Variants in ZCCHC17 observed in about 807,000 individuals in gnomAD.
ZCCHC17 encodes zinc finger CCHC domain-containing protein 17.
Under a neutral mutation model 30.6 loss-of-function variants are expected in ZCCHC17, and 18 were observed. The observed-to-expected ratio is 0.59, with a 90% CI of 0.41 to 0.87. ZCCHC17 has a LOEUF of 0.87. ZCCHC17 is among the 40% of genes least tolerant of loss of function. The pLI, the probability that ZCCHC17 is intolerant of heterozygous loss-of-function variation, is 0.00. For missense variants in ZCCHC17, 263 were observed against 284.2 expected, an observed-to-expected ratio of 0.93 and a Z score of 0.54; for synonymous variants, 88 against 92.4, an observed-to-expected ratio of 0.95 and a Z score of 0.27.
intron 3 of ZCCHC17, among the ~76,000 whole-genome samples, chr1:31,328,454 G>T (rs1638444980): frequency 4.6e-5 from 7 of 152,018 alleles, no homozygotes; most frequent in Admixed American, 3.9e-4. Context: ...GTTGCAGTGA[G>T]CCGAGATCAT....
rs556905471 is a variant in ZCCHC17 at position 31,317,913 on chromosome 1, T to C, written c.67-1196T>C. 2.6e-4 allele frequency among the ~76,000 whole-genome samples: 39 copies of C among 152,344 alleles called. 2 individuals are homozygous for C. In the South Asian group the frequency reaches 7.5e-3, roughly 29 times the overall value. On this transcript the variant is annotated intron_variant, in intron 2 of 7. Transcript: ENST00000344147. ...TAGTTAGAGGGGACCTATGAGCAGC[T>C]CTAGTGTAATTAAGACTCCGGATTC... is the stretch of plus-strand genomic sequence containing the variant.
intron 1 of ZCCHC17, among the ~76,000 whole-genome samples, chr1:31,303,815 A>G (rs920203326): frequency 6.6e-6 from 1 of 152,234 alleles, no homozygotes; most frequent in African/African-American, 2.4e-5. Context: ...AATTACCAAC[A>G]TTATGAAATT....
chr1:31,344,693 G>T (rs1330911810), intron 5 of ZCCHC17, among the ~76,000 whole-genome samples: 6 of 152,150 alleles, frequency 3.9e-5, no homozygotes, highest in African/African-American at 1.4e-4. Flanking sequence ...TTTGTAGTCT[G>T]GTAGAAGCCA....
intron 3 of ZCCHC17, 102 bp from the exon 4 acceptor site, chr1:31,337,073 A>C: frequency 9.0e-7 from 1 of 1,113,298 alleles, no homozygotes; most frequent in African/African-American, 1.6e-5. Context: ...AAAAATTTTC[A>C]TTTTTCCCTT....
At chr1:31,344,226 A>G (rs947793749) in intron 5 of ZCCHC17, among the ~76,000 whole-genome samples, 10 of 152,044 alleles carry the variant, frequency 6.6e-5, no homozygotes, top group Admixed American at 4.6e-4. Context: ...CCTGGTCTCA[A>G]GTGATACTCC....
chr1:31,322,552 C>T (rs898439995), intron 3 of ZCCHC17, among the ~76,000 whole-genome samples: 3 of 152,168 alleles, frequency 2.0e-5, no homozygotes, highest in Non-Finnish European at 2.9e-5. Context: ...TGGGGTGTGT[C>T]ACCCTCTTGG....
chr1:31,351,641 G>C (rs1197972695), intron 7 of ZCCHC17, among the ~76,000 whole-genome samples: 1 of 152,118 alleles, frequency 6.6e-6, no homozygotes, highest in Non-Finnish European at 1.5e-5. Context: ...TACTCAGGAG[G>C]CTGAGGTGGG....
At chr1:31,322,352 G>C (rs1646880818) in intron 3 of ZCCHC17, among the ~76,000 whole-genome samples, 1 of 152,148 alleles carries the variant, frequency 6.6e-6, no homozygotes. Flanking sequence ...GTCTCACTTG[G>C]CTACAATTTT....
intron 2 of ZCCHC17, among the ~76,000 whole-genome samples, chr1:31,317,446 A>G (rs1467490354): frequency 6.6e-6 from 1 of 152,198 alleles, no homozygotes; most frequent in Non-Finnish European, 1.5e-5. Flanking sequence ...TGTGCTACAT[A>G]CCTATGTCAG....
intron 7 of ZCCHC17, among the ~76,000 whole-genome samples, chr1:31,356,850 G>A (rs1206987731): frequency 6.6e-6 from 1 of 152,140 alleles, no homozygotes; most frequent in Non-Finnish European, 1.5e-5. Flanking sequence ...TTTTTGTTGG[G>A]CATAATTAGA....
intron 3 of ZCCHC17, among the ~76,000 whole-genome samples, chr1:31,324,944 C>T (rs557525401): frequency 3.9e-5 from 6 of 152,228 alleles, no homozygotes; most frequent in South Asian, 2.1e-4. Flanking sequence ...GTCTGTGGCC[C>T]AGAGTGAGAA....
At chr1:31,318,347 G>T in intron 2 of ZCCHC17, 2 of 848,168 alleles carry the variant, frequency 2.4e-6, no homozygotes, top group South Asian at 3.5e-5. Flanking sequence ...TAGGCTACAG[G>T]GGGAAGAGAG....
In ZCCHC17 at chr1:31,315,575, G is replaced by A. The variant is rs376405613; in HGVS notation, c.67-3534G>A. ...AGGTCGAAATAGCATTGGACTAGAA[G>A]TAAAAAAAAAGTCTGTGTTGTACTT... On this transcript the variant is annotated intron_variant, in intron 2 of 7. Coordinates refer to ENST00000344147, the MANE Select transcript of ZCCHC17 (RefSeq NM_016505.4). Among the ~76,000 whole-genome samples the A allele has an allele frequency of 2.6e-4, 40 of 151,998 alleles. 1 individual carries two copies. The East Asian group carries it at 4.4e-3, about 17-fold the overall frequency.
At chr1:31,319,382 T>G (rs945314015) in intron 3 of ZCCHC17, among the ~76,000 whole-genome samples, 6 of 152,214 alleles carry the variant, frequency 3.9e-5, no homozygotes, top group African/African-American at 1.4e-4. Flanking sequence ...TATAGCTAAC[T>G]GGGTTTACTT....
intron 3 of ZCCHC17, among the ~76,000 whole-genome samples, chr1:31,335,471 G>C (rs978011434): frequency 3.3e-5 from 5 of 152,130 alleles, no homozygotes; most frequent in African/African-American, 1.2e-4. Flanking sequence ...GACTTCCTGG[G>C]CTCAAGCCAT....
At chr1:31,300,570 G>A (rs896938050) in intron 1 of ZCCHC17, among the ~76,000 whole-genome samples, 1 of 152,168 alleles carries the variant, frequency 6.6e-6, no homozygotes, top group African/African-American at 2.4e-5. Flanking sequence ...GGAGTTTAGA[G>A]TGTTGTTGGA....
At chr1:31,355,209 T>C (rs900111580) in intron 7 of ZCCHC17, among the ~76,000 whole-genome samples, 8 of 151,178 alleles carry the variant, frequency 5.3e-5, no homozygotes, top group Non-Finnish European at 8.8e-5. Flanking sequence ...AGTATCTTTG[T>C]GTATATGAAC....
chr1:31,350,924 A>T (rs1639448281), intron 7 of ZCCHC17, among the ~76,000 whole-genome samples: 1 of 152,118 alleles, frequency 6.6e-6, no homozygotes, highest in Admixed American at 6.5e-5. Flanking sequence ...TTCATTTTCG[A>T]AGTGGGATTG....
At chr1:31,357,439 T>C (rs184684003) in intron 7 of ZCCHC17, among the ~76,000 whole-genome samples, 4 of 152,328 alleles carry the variant, frequency 2.6e-5, no homozygotes, top group East Asian at 3.9e-4. Flanking sequence ...CACCAGTCTC[T>C]TCCCACACAC....
Sources: gnomAD v4.1 joint callset for allele counts (sites outside exome capture counted in the v4.1 genomes callset) on GRCh38, gnomAD v4.1.1 for gene constraint, MANE v1.5 for transcripts, NCBI Gene and HGNC (gene_info 2026-07-23, HGNC 2026-07-21) for gene names.